The following GNB1 variants were observed in gnomAD, a reference collection of about 807,000 sequenced individuals.
GNB1 encodes the protein G protein subunit beta 1.
Under a neutral mutation model 42.9 loss-of-function variants are expected in GNB1, and 2 were observed. The observed-to-expected ratio is 0.05, with a 90% CI of 0.02 to 0.15. The LOEUF is 0.15. GNB1 is among the 10% of genes least tolerant of loss of function. The probability of loss-of-function intolerance (pLI) is 1.00; values close to 1 mark genes in which losing one functional copy is unlikely to be tolerated. For synonymous variants in GNB1, 183 were observed against 174.7 expected (o/e 1.05, Z -0.38); for missense variants, 193 against 462.2 (o/e 0.42, Z 5.34).
At chr1:1,841,923 G>A (rs1046346078) in intron 1 of GNB1, among the ~76,000 whole-genome samples, 3 of 152,206 alleles carry the variant, frequency 2.0e-5, no homozygotes, top group African/African-American at 7.2e-5. Flanking sequence ...GTACTCAGCA[G>A]CCAGAAGGTG....
intron 7 of GNB1, among the ~76,000 whole-genome samples, chr1:1,803,189 T>C (rs1570638052): frequency 6.6e-6 from 1 of 152,354 alleles, no homozygotes; most frequent in East Asian, 1.9e-4. Flanking sequence ...AATATTAGAA[T>C]AGTACATCCT....
chr1:1,889,963 C>T (rs1650383942), intron 1 of GNB1, among the ~76,000 whole-genome samples: 1 of 152,126 alleles, frequency 6.6e-6, no homozygotes, highest in Non-Finnish European at 1.5e-5. Context: ...CTCTCCCCCA[C>T]CTTCGGGCCT....
intron 1 of GNB1, 70 bp downstream of exon 1, chr1:1,890,750 G>A (rs1006636757): frequency 3.4e-5 from 5 of 148,436 alleles, no homozygotes; most frequent in African/African-American, 1.2e-4. Flanking sequence ...TGGGGGCGGG[G>A]CGGGCGCCCC....
intron 3 of GNB1, among the ~76,000 whole-genome samples, chr1:1,820,887 CA>C (rs1646922936): frequency 6.6e-6 from 1 of 152,214 alleles, no homozygotes; most frequent in East Asian, 1.9e-4. Context: ...CTTTGCAGAA[CA>C]GACACCTTCA....
At chr1:1,819,461 T>G (rs908361633) in intron 3 of GNB1, among the ~76,000 whole-genome samples, 5 of 152,260 alleles carry the variant, frequency 3.3e-5, no homozygotes, top group Middle Eastern at 3.4e-3. Flanking sequence ...CCTCAGGTGA[T>G]CCGCTCATCT....
intron 10 of GNB1, chr1:1,788,802 G>T: frequency 2.2e-6 from 1 of 464,608 alleles, no homozygotes; most frequent in Non-Finnish European, 4.0e-6. Flanking sequence ...CTGCACAGCT[G>T]ACCCTCTCCT....
Position 1,807,463 on chromosome 1 carries a change from GAAAAAAAAAAAA to G in GNB1, c.204-937_204-926del, listed in dbSNP as rs533616486. The stretch of plus-strand genomic sequence containing the variant: ...TGGGCAACAGAGCGAGATCCTGACT[GAAAAAAAAAAAA>G]AAAAAAAAAAAAAAAAAACAAACAG... On this transcript the variant is annotated intron_variant, in intron 5 of 11. Transcript: ENST00000378609. Among the ~76,000 whole-genome samples, 182 of 25,576 alleles carry G rather than the reference GAAAAAAAAAAAA, an allele frequency of 7.1e-3. 2 individuals carry two copies. The highest frequency in any genetic ancestry group is 0.032 in the African/African-American group (141 of 4,418). 16.8% of individuals were successfully genotyped at this position (25,576 alleles called of 152,430 possible). A position where few individuals can be genotyped will look rare whatever the true frequency, so the allele number is the denominator to read the frequency against.
chr1:1,793,442 T>A, intron 7 of GNB1, 131 bp from the exon 8 acceptor site: 1 of 609,892 alleles, frequency 1.6e-6, no homozygotes. Context: ...CTAGTGACCT[T>A]TTATTCCCAT....
At chr1:1,825,706 T>A (rs1204385491) in intron 2 of GNB1, among the ~76,000 whole-genome samples, 1 of 151,788 alleles carries the variant, frequency 6.6e-6, no homozygotes, top group Non-Finnish European at 1.5e-5. Context: ...CTACTAAAAA[T>A]ACAAAAAAAT....
At chr1:1,889,011 T>C (rs530014582) in intron 1 of GNB1, among the ~76,000 whole-genome samples, 10 of 152,278 alleles carry the variant, frequency 6.6e-5, no homozygotes, top group Admixed American at 6.5e-4. Flanking sequence ...TTGATATACA[T>C]ACCTTCCCAA....
At chr1:1,869,657 T>C (rs575297769) in intron 1 of GNB1, among the ~76,000 whole-genome samples, 1 of 152,288 alleles carries the variant, frequency 6.6e-6, no homozygotes, top group Non-Finnish European at 1.5e-5. Context: ...CTGGTTCCTC[T>C]TTTCTGCCTC....
intron 1 of GNB1, among the ~76,000 whole-genome samples, chr1:1,882,679 T>C (rs1187574937): frequency 1.3e-5 from 2 of 152,034 alleles, no homozygotes; most frequent in Admixed American, 1.3e-4. Context: ...TCCCAGCACT[T>C]TGGGAGGCCG....
chr1:1,847,021 AG>A (rs375096355), intron 1 of GNB1, among the ~76,000 whole-genome samples: 77 of 152,312 alleles, frequency 5.1e-4, no homozygotes, highest in African/African-American at 1.8e-3. Context: ...AAAATCATTG[AG>A]GAAAAGAAAA....
intron 7 of GNB1, among the ~76,000 whole-genome samples, chr1:1,798,830 T>C (rs1001429707): frequency 6.6e-6 from 1 of 152,100 alleles, no homozygotes; most frequent in African/African-American, 2.4e-5. Flanking sequence ...GGATCCCGAG[T>C]AGCTGGGACT....
intron 5 of GNB1, among the ~76,000 whole-genome samples, chr1:1,811,247 C>G (rs1430850017): frequency 3.3e-5 from 5 of 151,816 alleles, no homozygotes; most frequent in Admixed American, 3.3e-4. Context: ...GCCACCACAC[C>G]TGGCTAATTT....
Position 1,881,933 on chromosome 1 carries a change from C to T in GNB1, c.-96+8887G>A, listed in dbSNP as rs1428210270. ...CATCAGCCTAGGATACACTCCTCCC[C>T]TCCATCCCCACCTGCCTGCCAGACA... On this transcript the variant is annotated intron_variant, in intron 1 of 11. Coordinates refer to ENST00000378609, the MANE Select transcript of GNB1 (RefSeq NM_002074.5). 3.9e-5 allele frequency among the ~76,000 whole-genome samples: 6 copies of T among 152,128 alleles called. No homozygotes were observed. In the East Asian group the frequency reaches 7.7e-4, roughly 20 times the overall value.
chr1:1,859,311 C>T (rs906779508), intron 1 of GNB1, among the ~76,000 whole-genome samples: 2 of 152,174 alleles, frequency 1.3e-5, no homozygotes, highest in African/African-American at 4.8e-5. Flanking sequence ...CGTGAGCCAC[C>T]ACGCCCCGAC....
chr1:1,882,649 G>A (rs994759763), intron 1 of GNB1, among the ~76,000 whole-genome samples: 1 of 151,820 alleles, frequency 6.6e-6, no homozygotes, highest in African/African-American at 2.4e-5. Flanking sequence ...TGGGCAGGGC[G>A]TGGTGGCTCA....
chr1:1,815,790 T>C lies in GNB1; in HGVS notation c.169A>G (p.Lys57Glu), dbSNP rs141326438. 1.1e-4 allele frequency: 181 copies of C among 1,606,692 alleles called. No homozygotes were observed. Among genetic ancestry groups the C allele is most frequent in the East Asian group, 2.0e-4 (9 of 44,792 alleles). Reference sequence around the variant, plus strand: ...GTGCCCCAGTGCATGGCGTAGATCTTGGCCAGGTGCCCCCGCAGTGTCCTC... The same window carrying C: ...GTGCCCCAGTGCATGGCGTAGATCTCGGCCAGGTGCCCCCGCAGTGTCCTC... ...TRRTLRGHLA[K>E]IYAMHWGTDS... The change falls in exon 5 of 12, where the codon AAG becomes GAG. Residue 57 changes from lysine (K) to glutamate (E), a missense_variant. Transcript: ENST00000378609.
Sources: gnomAD v4.1 joint callset for allele counts (sites outside exome capture counted in the v4.1 genomes callset) on GRCh38, gnomAD v4.1.1 for gene constraint, MANE v1.5 for transcripts, NCBI Gene and HGNC (gene_info 2026-07-23, HGNC 2026-07-21) for gene names.